Variants in EDC3 observed in about 807,000 individuals in gnomAD.
The protein encoded by EDC3 is enhancer of mRNA decapping 3.
Under a neutral mutation model 41.8 loss-of-function variants are expected in EDC3, and 20 were observed. That is an observed-to-expected ratio of 0.48 (90% CI 0.34 to 0.70). The LOEUF (loss-of-function observed/expected upper bound fraction) is 0.70. EDC3 is among the 30% of genes least tolerant of loss of function. The probability of loss-of-function intolerance (pLI) is 0.01; values close to 1 mark genes in which losing one functional copy is unlikely to be tolerated. For missense variants in EDC3, 444 were observed against 636.8 expected, an observed-to-expected ratio of 0.70 and a Z score of 3.26; for synonymous variants, 206 against 243.2, an observed-to-expected ratio of 0.85 and a Z score of 1.42.
intron 1 of EDC3, among the ~76,000 whole-genome samples, chr15:74,688,062 A>G (rs1439261408): frequency 1.3e-5 from 2 of 152,244 alleles, no homozygotes; most frequent in African/African-American, 4.8e-5. Context: ...AACTTTTAAA[A>G]ATATAACCAC....
At chr15:74,652,982 C>A (rs985145695) in intron 4 of EDC3, among the ~76,000 whole-genome samples, 1 of 152,082 alleles carries the variant, frequency 6.6e-6, no homozygotes, top group Non-Finnish European at 1.5e-5. Flanking sequence ...GAGTTTGAGA[C>A]CAGCCTGGCC....
chr15:74,661,639 G>A (rs1392348470), intron 3 of EDC3, among the ~76,000 whole-genome samples: 2 of 150,736 alleles, frequency 1.3e-5, no homozygotes, highest in African/African-American at 2.4e-5. Context: ...GCTGAGGCAC[G>A]AGAATCGCTT....
Position 74,655,666 on chromosome 15 carries a change from C to CTT in EDC3, c.820+65_820+66dup, listed in dbSNP as rs1476375137. 5 of 1,466,812 alleles carry CTT rather than the reference C, an allele frequency of 3.4e-6. No individual in the cohort carries two copies. In the African/African-American group the frequency reaches 7.1e-5, roughly 21 times the overall value. 90.9% of individuals were successfully genotyped at this position (1,466,812 alleles called of 1,614,324 possible). On this transcript the variant is annotated intron_variant, in intron 4 of 6. Transcript: ENST00000315127. Reference sequence around the variant, plus strand: ...TGAGATTCTGACTCAGAAGCCAGGTCTTTCTGTTTCAAGCATAATAGAAAG... The same window carrying CTT: ...TGAGATTCTGACTCAGAAGCCAGGTCTTTTTCTGTTTCAAGCATAATAGAAAG...
At chr15:74,691,295 T>C (rs979050800) in intron 1 of EDC3, among the ~76,000 whole-genome samples, 30 of 152,314 alleles carry the variant, frequency 2.0e-4, no homozygotes, top group African/African-American at 5.8e-4. Context: ...ACCTATCTCA[T>C]AGAACCACTA....
At chr15:74,645,134 A>G (rs1355820578) in intron 4 of EDC3, 1 of 152,246 alleles carries the variant, frequency 6.6e-6, no homozygotes, top group Non-Finnish European at 1.5e-5. Context: ...CAAAAGTTGT[A>G]GGAACTGTTC....
chr15:74,632,580 G>T lies in EDC3; in HGVS notation c.*32C>A. The T allele has an allele frequency of 6.2e-7, 1 of 1,600,404 alleles. No individual in the cohort carries two copies. Among genetic ancestry groups the T allele is most frequent in the Non-Finnish European group, 8.5e-7 (1 of 1,170,570 alleles). On this transcript the variant is annotated 3_prime_UTR_variant, in exon 7 of 7. Coordinates refer to ENST00000315127, the MANE Select transcript of EDC3 (RefSeq NM_025083.5). This position sits in a 1 kb window ranked among gnomAD's most constrained non-coding sequence, Gnocchi z 4.0. ...GGCGTTTGTTATCAGGAGCAGCAGG[G>T]GACAGCAGAGTCCTGCCTGCGCAGG...
chr15:74,676,248 T>C (rs1314289552), intron 1 of EDC3, among the ~76,000 whole-genome samples: 1 of 152,144 alleles, frequency 6.6e-6, no homozygotes, highest in East Asian at 1.9e-4. Context: ...ACATGCTTAA[T>C]ATAGTGCGTA....
At chr15:74,693,960 C>G (rs1596339577) in intron 1 of EDC3, among the ~76,000 whole-genome samples, 1 of 151,852 alleles carries the variant, frequency 6.6e-6, no homozygotes, top group East Asian at 1.9e-4. Context: ...TCCGTCCAAC[C>G]TGGGCAATGG....
intron 2 of EDC3, among the ~76,000 whole-genome samples, chr15:74,674,535 C>T (rs955293821): frequency 1.3e-5 from 2 of 151,992 alleles, no homozygotes; most frequent in African/African-American, 2.4e-5. Context: ...TGGTAGGGTA[C>T]GGAGGTTCTA....
chr15:74,662,103 C>A (rs1435557336), intron 3 of EDC3, among the ~76,000 whole-genome samples: 3 of 152,104 alleles, frequency 2.0e-5, no homozygotes, highest in Admixed American at 1.3e-4. Flanking sequence ...ATGGATCATA[C>A]CTACTGATTA....
chr15:74,650,935 T>C (rs564733445), intron 4 of EDC3, among the ~76,000 whole-genome samples: 1 of 152,176 alleles, frequency 6.6e-6, no homozygotes, highest in African/African-American at 2.4e-5. Flanking sequence ...TAGGTGGAGG[T>C]TGCAGTGAGC....
At chr15:74,680,293 C>T (rs377138889) in intron 1 of EDC3, among the ~76,000 whole-genome samples, 235 of 147,724 alleles carry the variant, frequency 1.6e-3, no homozygotes, top group African/African-American at 5.8e-3. Context: ...AAGATTTATA[C>T]ACCACACCCA....
intron 4 of EDC3, among the ~76,000 whole-genome samples, chr15:74,654,414 G>C (rs2062519135): frequency 6.6e-6 from 1 of 152,216 alleles, no homozygotes; most frequent in African/African-American, 2.4e-5. Context: ...GAAGCAGTCA[G>C]AGGTAGATAG....
chr15:74,659,276 A>G (rs2062592423), intron 3 of EDC3, among the ~76,000 whole-genome samples: 1 of 151,912 alleles, frequency 6.6e-6, no homozygotes, highest in South Asian at 2.1e-4. Flanking sequence ...CAGCCTGATC[A>G]ACATGGTGAA....
At chr15:74,656,185 G>C in intron 3 of EDC3, 117 bp from the exon 4 acceptor site, 1 of 973,078 alleles carries the variant, frequency 1.0e-6, no homozygotes, top group South Asian at 1.7e-5. Flanking sequence ...AATGGTAAAG[G>C]TAACTATTGC....
chr15:74,684,134 C>T (rs1001749688), intron 1 of EDC3, among the ~76,000 whole-genome samples: 13 of 137,026 alleles, frequency 9.5e-5, no homozygotes, highest in African/African-American at 3.4e-4. Flanking sequence ...GGCTCCTGGG[C>T]TCAGGTGATC....
At chr15:74,642,651 A>G (rs552926521) in intron 4 of EDC3, 1 of 152,304 alleles carries the variant, frequency 6.6e-6, no homozygotes, top group Admixed American at 6.5e-5. Context: ...TCTTTCTGTT[A>G]GATTTGAAAT....
intron 1 of EDC3, 60 bp downstream of exon 1, chr15:74,695,820 C>G (rs2063058620): frequency 6.5e-6 from 1 of 153,180 alleles, no homozygotes; most frequent in Non-Finnish European, 1.5e-5. Context: ...AAGCCTAAAG[C>G]AACCCCGGCA....
rs574869763 is a variant in EDC3 at position 74,632,615 on chromosome 15, A to G, written c.1524T>C (p.Ala508=). Reference sequence around the variant, plus strand: ...GTCCTGCCTGCGCAGGAACCCTCTAAGCAGAGTGCAGTGGGATAACAAACT... The same window carrying G: ...GTCCTGCCTGCGCAGGAACCCTCTAGGCAGAGTGCAGTGGGATAACAAACT... The part of the protein sequence containing the change: ...GCKFVIPLHS[A] The change falls in exon 7 of 7, where the codon GCT becomes GCC. Residue 508 remains alanine, a synonymous_variant. Transcript: ENST00000315127. The surrounding 1 kb of genome is among the most constrained non-coding windows in gnomAD (Gnocchi z 4.0). 6.2e-7 allele frequency: 1 copy of G among 1,613,316 alleles called. No individual in the cohort carries two copies. The highest frequency in any genetic ancestry group is 8.5e-7 in the Non-Finnish European group (1 of 1,179,778).
Sources: allele counts gnomAD v4.1 joint callset (sites outside exome capture counted in the v4.1 genomes callset), GRCh38; gene constraint gnomAD v4.1.1; non-coding constraint Gnocchi (gnomAD v3.1); transcripts MANE v1.5; gene names NCBI Gene and HGNC (gene_info 2026-07-23, HGNC 2026-07-21).